The following PTGES2 variants were observed in gnomAD, a reference collection of about 807,000 sequenced individuals.
PTGES2 encodes the protein GATE-binding factor 1.
PTGES2 carries 35 observed loss-of-function variants against 44.5 expected under a neutral mutation model. That is an observed-to-expected ratio of 0.79 (90% confidence interval 0.60 to 1.04). PTGES2 has a LOEUF of 1.04. Ranked by LOEUF, PTGES2 falls within the 50% of genes least tolerant of loss-of-function variation. The pLI is 0.00. For missense variants in PTGES2, 517 were observed against 521.4 expected (o/e 0.99, Z 0.08); for synonymous variants, 221 against 227.5 (o/e 0.97, Z 0.26).
In PTGES2 at chr9:128,123,663, C is replaced by T. The variant is rs79173749; in HGVS notation, c.686+39G>A. ...GGTCCTACTCTACAGAAGACCCCTG[C>T]GGTCACCACCTTCCCCCGCCAGCCC... On this transcript the variant is annotated intron_variant, in intron 4 of 6. Transcript: ENST00000338961. This position sits in a 1 kb window ranked among gnomAD's most constrained non-coding sequence, Gnocchi z 4.4. 7.0e-4 allele frequency: 1,118 copies of T among 1,593,394 alleles called. 15 individuals carry two copies. The East Asian group carries it at 0.014, about 21-fold the overall frequency.
At chr9:128,125,875 A>C (rs1342490892) in intron 1 of PTGES2, among the ~76,000 whole-genome samples, 1 of 152,132 alleles carries the variant, frequency 6.6e-6, no homozygotes, top group Non-Finnish European at 1.5e-5. Context: ...ACCCAGGCTC[A>C]TGTTCACCAG....
intron 1 of PTGES2, 44 bp from the exon 2 acceptor site, chr9:128,125,485 A>C: frequency 6.3e-7 from 1 of 1,585,368 alleles, no homozygotes; most frequent in Non-Finnish European, 8.6e-7. Flanking sequence ...TGGCACCCCC[A>C]GGCCCAGGCC....
At position 128,123,955 on chromosome 9, in the gene PTGES2, G is replaced by A. The variant is rs558300832; in HGVS notation, c.537-104C>T. 2.5e-3 allele frequency: 3,373 copies of A among 1,326,236 alleles called. 3 individuals carry two copies. The highest frequency in any genetic ancestry group is 3.1e-3 in the Non-Finnish European group (2,939 of 951,044). The allele number at this position is 1,326,236 out of a possible 1,614,324, so 82.2% of individuals were successfully genotyped here. On this transcript the variant is annotated intron_variant, in intron 3 of 6. Coordinates refer to ENST00000338961, the MANE Select transcript of PTGES2 (RefSeq NM_025072.7). This position sits in a 1 kb window ranked among gnomAD's most constrained non-coding sequence, Gnocchi z 4.4. The stretch of plus-strand genomic sequence containing the variant: ...TCAGAGTGGAGCCAGGACCAACAAA[G>A]GCTCTCCGGACTCTTGCAGTAAGAG...
In PTGES2 at chr9:128,123,093, A is replaced by G. The variant is rs775180336; in HGVS notation, c.728T>C (p.Val243Ala). The G allele has an allele frequency of 1.3e-5, 21 of 1,603,356 alleles. No individual in the cohort carries two copies. Among genetic ancestry groups the G allele is most frequent in the East Asian group, 2.3e-5 (1 of 44,186 alleles). The change falls in exon 5 of 7, where the codon GTG becomes GCG. Residue 243 changes from valine (V) to alanine (A), a missense_variant. Coordinates refer to ENST00000338961, the MANE Select transcript of PTGES2 (RefSeq NM_025072.7). This position sits in a 1 kb window ranked among gnomAD's most constrained non-coding sequence, Gnocchi z 4.4. ...GTACACATTGGGGGAGATCAGGTGCACCAGCCAGTCGTCCGCCCACTGCCG... is the reference window on the plus strand; with the variant it reads ...GTACACATTGGGGGAGATCAGGTGCGCCAGCCAGTCGTCCGCCCACTGCCG... Reference protein sequence around the residue: ...KWRQWADDWLVHLISPNVYRT... With the variant: ...KWRQWADDWLAHLISPNVYRT...
chr9:128,125,801 AACTTG>A (rs1834597408), intron 1 of PTGES2, among the ~76,000 whole-genome samples: 2 of 152,208 alleles, frequency 1.3e-5, no homozygotes, highest in South Asian at 4.1e-4. Context: ...CAACTGTTTC[AACTTG>A]ACTTGTTCAC....
upstream of PTGES2, chr9:128,128,426 G>C (rs963743530): frequency 6.7e-6 from 3 of 449,634 alleles, no homozygotes; most frequent in Admixed American, 2.4e-5. Context: ...GCGTCTCCGC[G>C]GACAGCCCCG....
chr9:128,121,402 C>A lies in PTGES2; in HGVS notation c.1006-129G>T, dbSNP rs912624328. On this transcript the variant is annotated intron_variant, in intron 6 of 6. Coordinates refer to ENST00000338961, the MANE Select transcript of PTGES2 (RefSeq NM_025072.7). ...TGGAGCTCGTGACCCACTCAAGGGCCAACAGCACAGGTGAGGGTTTGAACA... is the reference window on the plus strand; with the variant it reads ...TGGAGCTCGTGACCCACTCAAGGGCAAACAGCACAGGTGAGGGTTTGAACA... 155 of 1,159,218 alleles carry A rather than the reference C, an allele frequency of 1.3e-4. No homozygotes were observed. The East Asian group carries it at 3.9e-3, about 29-fold the overall frequency. 71.8% of individuals were successfully genotyped at this position (1,159,218 alleles called of 1,614,324 possible).
At chr9:128,126,931 C>A (rs1834641667) in intron 1 of PTGES2, among the ~76,000 whole-genome samples, 1 of 151,410 alleles carries the variant, frequency 6.6e-6, no homozygotes, top group East Asian at 1.9e-4. Context: ...GTGATCCCAG[C>A]ACTTTCAGAG....
intron 1 of PTGES2, among the ~76,000 whole-genome samples, chr9:128,126,676 T>C (rs1490472808): frequency 6.6e-6 from 1 of 151,436 alleles, no homozygotes; most frequent in Non-Finnish European, 1.5e-5. Context: ...TTGGCCAACA[T>C]GGTGAGACCC....
chr9:128,127,426 G>A lies in PTGES2; in HGVS notation c.279+13C>T, dbSNP rs4837244. The A allele has an allele frequency of 0.99, 1,340,422 of 1,349,910 alleles. 665,994 individuals carry two copies. The highest frequency in any genetic ancestry group is 1 in the Non-Finnish European group (1,048,982 of 1,049,200). The allele number at this position is 1,349,910 out of a possible 1,614,324, so 83.6% of individuals were successfully genotyped here. ...TGATCAGCATCCCCATCCCCGGCCG[G>A]GCCAGGCCTTACCTGCGCGGCTGAG... On this transcript the variant is annotated intron_variant, in intron 1 of 6. Transcript: ENST00000338961.
chr9:128,122,982 T>C lies in PTGES2; in HGVS notation c.839A>G (p.Tyr280Cys), dbSNP rs765051400. The C allele has an allele frequency of 1.2e-6, 2 of 1,613,930 alleles. No individual in the cohort carries two copies. Among genetic ancestry groups the C allele is most frequent in the African/African-American group, 2.7e-5 (2 of 74,928 alleles). Residue 280 changes from tyrosine to cysteine, a missense_variant, in exon 5 of 7, where the codon TAC (tyrosine) becomes TGC (cysteine). Coordinates refer to ENST00000338961, the MANE Select transcript of PTGES2 (RefSeq NM_025072.7). The part of the protein sequence containing the change: ...FGAVEGAVAK[Y>C]MGAAAMYLIS... ...GAGGTACATGGCCGCTGCACCCATG[T>C]ACTTGGCCACGGCACCCTCCACGGC...
intron 2 of PTGES2, 32 bp from the exon 3 acceptor site, chr9:128,124,582 T>G (rs1262757590): frequency 6.2e-7 from 1 of 1,606,226 alleles, no homozygotes; most frequent in Non-Finnish European, 8.5e-7. Flanking sequence ...TAATCAGAGG[T>G]TGCAACCCAG....
At chr9:128,122,645 G>A in intron 5 of PTGES2, 166 bp from the exon 6 acceptor site, 1 of 653,654 alleles carries the variant, frequency 1.5e-6, no homozygotes, top group Non-Finnish European at 2.6e-6. Context: ...CAGACGGGGA[G>A]GCTGTGGTAA....
rs908176160 is a variant in PTGES2, at chr9:128,125,433, C to G, written c.288G>C (p.Leu96=). The change falls in exon 2 of 7, where the codon CTG becomes CTC. Residue 96 remains leucine, a synonymous_variant. Coordinates refer to ENST00000338961, the MANE Select transcript of PTGES2 (RefSeq NM_025072.7). ...ACAGGGTCAGCTGCAGGCGGCTGGA[C>G]AGGGAGAGCTGCGGGCAGCAGACGG... ...HAERSAAQLS[L]SSRLQLTLYQ... 7 of 1,613,934 alleles carry G rather than the reference C, an allele frequency of 4.3e-6. No homozygotes were observed. Among genetic ancestry groups the G allele is most frequent in the Non-Finnish European group, 5.9e-6 (7 of 1,179,946 alleles).
intron 1 of PTGES2, among the ~76,000 whole-genome samples, chr9:128,126,601 G>A (rs985403120): frequency 3.9e-5 from 6 of 152,178 alleles, no homozygotes; most frequent in Admixed American, 3.9e-4. Context: ...GCTCACACCT[G>A]TAATCCCAGC....
rs1373379100 is a variant in PTGES2, at chr9:128,123,058, T to TG, written c.762dup (p.Thr255HisfsTer8). 1 of 1,613,414 alleles carries TG rather than the reference T, an allele frequency of 6.2e-7. No homozygotes were observed. The highest frequency in any genetic ancestry group is 1.3e-5 in the African/African-American group (1 of 75,028). On this transcript the variant is annotated frameshift_variant, in exon 5 of 7. Transcript: ENST00000338961. LOFTEE classifies it high-confidence loss of function. This position sits in a 1 kb window ranked among gnomAD's most constrained non-coding sequence, Gnocchi z 4.4. ...TAGTCAAAGGACGCCAGAGCCTCGG[T>TG]GGGCGTGCGGTACACATTGGGGGAG...
chr9:128,127,558 C>T lies in PTGES2; in HGVS notation c.160G>A (p.Gly54Arg). 7.8e-7 allele frequency: 1 copy of T among 1,285,102 alleles called. No homozygotes were observed. Among genetic ancestry groups the T allele is most frequent in the Non-Finnish European group, 9.8e-7 (1 of 1,016,374 alleles). The allele number at this position is 1,285,102 out of a possible 1,614,324, so 79.6% of individuals were successfully genotyped here. The change falls in exon 1 of 7, where the codon GGG becomes AGG. Residue 54 changes from glycine to arginine, a missense_variant. By Grantham distance (125) the Gly-to-Arg change is moderately radical. Coordinates refer to ENST00000338961, the MANE Select transcript of PTGES2 (RefSeq NM_025072.7). ...GPSPVAAARK[G>R]SPRLLGAAAL... ...GCAGCTCCCAGCAGCCGCGGGCTCC[C>T]CTTACGAGCTGCAGCCACGGGGCTC...
chr9:128,122,071 T>C (rs1199436653), intron 6 of PTGES2, among the ~76,000 whole-genome samples: 1 of 152,148 alleles, frequency 6.6e-6, no homozygotes, highest in African/African-American at 2.4e-5. Flanking sequence ...AGGGCAGTGT[T>C]GATGGCGACA....
In PTGES2 at chr9:128,122,458, CACGTTGTCCTGGAGG is replaced by C; in HGVS notation, c.894_908del (p.Leu299_Val303del). Reference sequence around the variant, plus strand: ...CAGCAGCCTCATAGAGGTCCTCGCGCACGTTGTCCTGGAGGCGGTGCCTGGGCGGGGAAGGGAAAA... The same window carrying C: ...CAGCAGCCTCATAGAGGTCCTCGCGCCGGTGCCTGGGCGGGGAAGGGAAAA... On this transcript the variant is annotated inframe_deletion, in exon 6 of 7. Coordinates refer to ENST00000338961, the MANE Select transcript of PTGES2 (RefSeq NM_025072.7). 1.9e-6 allele frequency: 3 copies of C among 1,614,146 alleles called. No individual in the cohort carries two copies. The highest frequency in any genetic ancestry group is 2.5e-6 in the Non-Finnish European group (3 of 1,180,022).
Sources: allele counts gnomAD v4.1 joint callset (sites outside exome capture counted in the v4.1 genomes callset), GRCh38; gene constraint gnomAD v4.1.1; non-coding constraint Gnocchi (gnomAD v3.1); transcripts MANE v1.5; gene names NCBI Gene and HGNC (gene_info 2026-07-23, HGNC 2026-07-21).